The following CARS1 variants were observed in gnomAD, a reference collection of about 807,000 sequenced individuals.
The protein encoded by CARS1 is cysteinyl-tRNA synthetase 1, also known as cysteine--tRNA ligase, cytoplasmic.
CARS1 carries 48 observed loss-of-function variants against 106.2 expected under a neutral mutation model. That is an observed-to-expected ratio of 0.45 (90% CI 0.36 to 0.57). CARS1 has a LOEUF of 0.57. CARS1 is among the 20% of genes least tolerant of loss of function. CARS1 has a pLI of 0.00. For synonymous variants in CARS1, 409 were observed against 403.4 expected (o/e 1.01, Z -0.17); for missense variants, 968 against 1,057.2 (o/e 0.92, Z 1.17).
chr11:3,026,838 A>G (rs780934506), intron 9 of CARS1, 41 bp from the exon 10 acceptor site: 3 of 1,587,148 alleles, frequency 1.9e-6, no homozygotes, highest in Non-Finnish European at 2.6e-6. Flanking sequence ...CATCTAACAG[A>G]CCCGAAAGTG....
In CARS1 at chr11:3,019,553, A is replaced by C. The variant is rs570929215; in HGVS notation, c.1267-286T>G. 1.9e-4 allele frequency among the ~76,000 whole-genome samples: 29 copies of C among 152,062 alleles called. No individual in the cohort carries two copies. Among genetic ancestry groups the C allele is most frequent in the African/African-American group, 7.0e-4 (29 of 41,462 alleles). Reference sequence around the variant, plus strand: ...TACTAAAAATACAAAAAAATACAAAAATTAGCTGAGCATGGTGACGTATGC... The same window carrying C: ...TACTAAAAATACAAAAAAATACAAACATTAGCTGAGCATGGTGACGTATGC... On this transcript the variant is annotated intron_variant, in intron 11 of 22. Coordinates refer to ENST00000380525, the MANE Select transcript of CARS1 (RefSeq NM_001014437.3). This position sits in a 1 kb window ranked among gnomAD's most constrained non-coding sequence, Gnocchi z 6.2.
chr11:3,015,268 C>T (rs1029618110), intron 17 of CARS1, among the ~76,000 whole-genome samples: 9 of 152,250 alleles, frequency 5.9e-5, no homozygotes, highest in East Asian at 1.9e-4. Flanking sequence ...GGTCCTGGCT[C>T]AGGCCATGTG....
chr11:3,007,310 G>T (rs537881291), intron 18 of CARS1: 2 of 347,252 alleles, frequency 5.8e-6, no homozygotes, highest in African/African-American at 2.1e-5. Flanking sequence ...GGGGTGGGAG[G>T]GTCAGGACAG....
chr11:3,054,141 T>C lies in CARS1; in HGVS notation c.25+3202A>G, dbSNP rs114982723. ...CTGCCCACTCCCAGAGACCAGCGCC[T>C]CCTCCCACAGGTGAGGGCTTCCCCT... is the stretch of plus-strand genomic sequence containing the variant. On this transcript the variant is annotated intron_variant, in intron 1 of 22. Transcript: ENST00000380525. 8.2e-3 allele frequency among the ~76,000 whole-genome samples: 1,242 copies of C among 152,074 alleles called. 11 individuals carry two copies. Among genetic ancestry groups the C allele is most frequent in the African/African-American group, 0.026 (1,061 of 41,472 alleles).
At chr11:3,051,579 A>T (rs1481175641) in intron 1 of CARS1, among the ~76,000 whole-genome samples, 1 of 152,230 alleles carries the variant, frequency 6.6e-6, no homozygotes, top group Non-Finnish European at 1.5e-5. Flanking sequence ...ACTTCCAGCC[A>T]GGAGACTTCT....
rs1349629347 is a variant in CARS1 at position 3,047,788 on chromosome 11, G to A, written c.239C>T (p.Pro80Leu). The A allele has an allele frequency of 1.2e-6, 2 of 1,613,756 alleles. No individual in the cohort carries two copies. Among genetic ancestry groups the A allele is most frequent in the East Asian group, 2.2e-5 (1 of 44,852 alleles). The change falls in exon 2 of 23, where the codon CCC becomes CTC. Residue 80 changes from proline (P) to leucine (L), a missense_variant. By Grantham distance (98) the Pro-to-Leu change is moderately conservative. Coordinates refer to ENST00000380525, the MANE Select transcript of CARS1 (RefSeq NM_001014437.3). ...FRHIEALLGS[P>L]CGKGQPCRLQ... ...CCTGCAGGGCTGGCCTTTGCCACAGGGGCTACCCAGGAGCGCTTCTATGTG... is the reference window on the plus strand; with the variant it reads ...CCTGCAGGGCTGGCCTTTGCCACAGAGGCTACCCAGGAGCGCTTCTATGTG...
In CARS1 at chr11:3,054,010, C is replaced by T. The variant is rs376055938; in HGVS notation, c.25+3333G>A. ...TGGGTCCTTCCCAGTGATCCACTCC[C>T]TGCCCAAGAAGTGTTCAGAAAGGGG... On this transcript the variant is annotated intron_variant, in intron 1 of 22. Transcript: ENST00000380525. 2.6e-5 allele frequency among the ~76,000 whole-genome samples: 4 copies of T among 152,192 alleles called. No homozygotes were observed. The East Asian group carries it at 7.7e-4, about 29-fold the overall frequency.
Position 3,017,562 on chromosome 11 carries a change from G to C in CARS1, c.1728-267C>G, listed in dbSNP as rs764748363. The C allele has an allele frequency of 1.8e-6, 1 of 554,006 alleles. No individual in the cohort carries two copies. Among genetic ancestry groups the C allele is most frequent in the African/African-American group, 1.9e-5 (1 of 53,140 alleles). 34.3% of individuals were successfully genotyped at this position (554,006 alleles called of 1,614,324 possible). A position where few individuals can be genotyped will look rare whatever the true frequency, so the allele number is the denominator to read the frequency against. ...GGAGGCTGAGGCAGGAGAATCGCTCGAACCCGGGAGGTGGAGGTTGTGGTG... is the reference window on the plus strand; with the variant it reads ...GGAGGCTGAGGCAGGAGAATCGCTCCAACCCGGGAGGTGGAGGTTGTGGTG... On this transcript the variant is annotated intron_variant, in intron 15 of 22. Coordinates refer to ENST00000380525, the MANE Select transcript of CARS1 (RefSeq NM_001014437.3). The surrounding 1 kb of genome is among the most constrained non-coding windows in gnomAD (Gnocchi z 4.9).
intron 3 of CARS1, 75 bp downstream of exon 3, chr11:3,042,090 G>A (rs565857766): frequency 2.6e-5 from 28 of 1,094,510 alleles, no homozygotes; most frequent in African/African-American, 1.1e-4. Flanking sequence ...TCTGTTGTGC[G>A]ACAAGGCACA....
rs906750709 is a variant in CARS1 at position 3,001,980 on chromosome 11, A to G, written c.2351T>C (p.Phe784Ser). 1.2e-6 allele frequency: 2 copies of G among 1,611,968 alleles called. No individual in the cohort carries two copies. Among genetic ancestry groups the G allele is most frequent in the African/African-American group, 2.7e-5 (2 of 74,890 alleles). The change falls in exon 22 of 23, where the codon TTT (phenylalanine) becomes TCT (serine). Residue 784 changes from phenylalanine (F) to serine (S), a missense_variant. Coordinates refer to ENST00000380525, the MANE Select transcript of CARS1 (RefSeq NM_001014437.3). ...TGCTTACATGCTTACATTTTCATCA[A>G]ACTTGGAGTATTTGTCGGTTTCTGA... ...FLSETDKYSK[F>S]DENGLPTHDM...
In CARS1 at chr11:3,050,578, T is replaced by G. The variant is rs1280694570; in HGVS notation, c.26-2577A>C. On this transcript the variant is annotated intron_variant, in intron 1 of 22. Coordinates refer to ENST00000380525, the MANE Select transcript of CARS1 (RefSeq NM_001014437.3). This position sits in a 1 kb window ranked among gnomAD's most constrained non-coding sequence, Gnocchi z 6.3. ...CACAGCCACAGGCCTCCAGCGGCCC[T>G]GCTGAAAAGCGCACGTTCACATTAC... Among the ~76,000 whole-genome samples, 3 of 152,338 alleles carry G rather than the reference T, an allele frequency of 2.0e-5. No individual in the cohort carries two copies. The East Asian group carries it at 5.8e-4, about 29-fold the overall frequency.
chr11:3,015,658 G>T, intron 17 of CARS1, 123 bp downstream of exon 17: 1 of 831,460 alleles, frequency 1.2e-6, no homozygotes, highest in Non-Finnish European at 2.1e-6. Context: ...TTTAGCTCGA[G>T]GCGCTGTCCG....
Position 3,029,581 on chromosome 11 carries a change from G to A in CARS1, c.802-138C>T. On this transcript the variant is annotated intron_variant, in intron 7 of 22. Transcript: ENST00000380525. This position sits in a 1 kb window ranked among gnomAD's most constrained non-coding sequence, Gnocchi z 5.9. Reference sequence around the variant, plus strand: ...CCTGTGAAGAGCCACCGTCTCCTAGGGAGACTGTGATGCTTACACAACTGG... The same window carrying A: ...CCTGTGAAGAGCCACCGTCTCCTAGAGAGACTGTGATGCTTACACAACTGG... 1.2e-6 allele frequency: 1 copy of A among 838,766 alleles called. No homozygotes were observed. Among genetic ancestry groups the A allele is most frequent in the Non-Finnish European group, 1.8e-6 (1 of 547,556 alleles). 52.0% of individuals were successfully genotyped at this position (838,766 alleles called of 1,614,324 possible). A position where few individuals can be genotyped will look rare whatever the true frequency, so the allele number is the denominator to read the frequency against.
At position 3,030,668 on chromosome 11, in the gene CARS1, A is replaced by G. The variant is rs913449986; in HGVS notation, c.802-1225T>C. 1 of 152,246 alleles carries G rather than the reference A, an allele frequency of 6.6e-6. No homozygotes were observed. The allele number at this position is 152,246 out of a possible 1,614,324, so 9.4% of individuals were successfully genotyped here. A position where few individuals can be genotyped will look rare whatever the true frequency, so the allele number is the denominator to read the frequency against. The stretch of plus-strand genomic sequence containing the variant: ...GGGAGTCAGCAGAAACGACAAACAG[A>G]TGGACGCTTCAGATGGAGGAGTTAT... On this transcript the variant is annotated intron_variant, in intron 7 of 22. Coordinates refer to ENST00000380525, the MANE Select transcript of CARS1 (RefSeq NM_001014437.3). The surrounding 1 kb of genome is among the most constrained non-coding windows in gnomAD (Gnocchi z 5.7).
rs1358492468 is a variant in CARS1 at position 3,050,806 on chromosome 11, T to A, written c.26-2805A>T. Among the ~76,000 whole-genome samples the A allele has an allele frequency of 6.6e-6, 1 of 152,096 alleles. No homozygotes were observed. Among genetic ancestry groups the A allele is most frequent in the Non-Finnish European group, 1.5e-5 (1 of 68,006 alleles). ...GCTTCCCCACCAGGTCTTCAAGGAC[T>A]CCCTGTCCATATGGCGCCCGCCTCT... On this transcript the variant is annotated intron_variant, in intron 1 of 22. Coordinates refer to ENST00000380525, the MANE Select transcript of CARS1 (RefSeq NM_001014437.3). The surrounding 1 kb of genome is among the most constrained non-coding windows in gnomAD (Gnocchi z 6.3).
chr11:3,018,562 G>T, intron 13 of CARS1, 51 bp from the exon 14 acceptor site: 4 of 1,612,512 alleles, frequency 2.5e-6, no homozygotes, highest in Non-Finnish European at 3.4e-6. Context: ...GAGTGCTACA[G>T]CCATTACACA....
chr11:3,042,981 C>T (rs1017486639), intron 2 of CARS1, among the ~76,000 whole-genome samples: 3 of 152,336 alleles, frequency 2.0e-5, no homozygotes, highest in African/African-American at 7.2e-5. Flanking sequence ...CACAGCCCAG[C>T]AGACTCTGAT....
At position 3,057,397 on chromosome 11, in the gene CARS1, C is replaced by A. The variant is rs745951684; in HGVS notation, c.-30G>T. 7.5e-6 allele frequency: 12 copies of A among 1,604,540 alleles called. No homozygotes were observed. In the Admixed American group the frequency reaches 1.2e-4, roughly 16 times the overall value. On this transcript the variant is annotated 5_prime_UTR_variant, in exon 1 of 23. Transcript: ENST00000380525. ...GGGAATCCCGGACCCGCAGCTGCGGCTACAGACACTTCCTAGAATCTGATG... is the reference window on the plus strand; with the variant it reads ...GGGAATCCCGGACCCGCAGCTGCGGATACAGACACTTCCTAGAATCTGATG...
chr11:3,020,115 G>A lies in CARS1; in HGVS notation c.1266+105C>T. On this transcript the variant is annotated intron_variant, in intron 11 of 22. Coordinates refer to ENST00000380525, the MANE Select transcript of CARS1 (RefSeq NM_001014437.3). This position sits in a 1 kb window ranked among gnomAD's most constrained non-coding sequence, Gnocchi z 4.6. Reference sequence around the variant, plus strand: ...CACCAGCACCAGGCTCTGGCCCAGTGACAACATCCTTCACACACAGAGCGG... The same window carrying A: ...CACCAGCACCAGGCTCTGGCCCAGTAACAACATCCTTCACACACAGAGCGG... 1.3e-6 allele frequency: 1 copy of A among 754,470 alleles called. No homozygotes were observed. Among genetic ancestry groups the A allele is most frequent in the South Asian group, 1.5e-5 (1 of 65,252 alleles). 46.7% of individuals were successfully genotyped at this position (754,470 alleles called of 1,614,324 possible).
Sources: allele counts gnomAD v4.1 joint callset (sites outside exome capture counted in the v4.1 genomes callset), GRCh38; gene constraint gnomAD v4.1.1; non-coding constraint Gnocchi (gnomAD v3.1); transcripts MANE v1.5; gene names NCBI Gene and HGNC (gene_info 2026-07-23, HGNC 2026-07-21).